DIPK1A: variants seen among roughly 807,000 people sequenced by gnomAD.
DIPK1A encodes family with sequence similarity 69 member A.
In DIPK1A, 27 loss-of-function variants were observed where a neutral mutation model predicts 40.8. That is an observed-to-expected ratio of 0.66 (90% CI 0.49 to 0.91). The LOEUF is 0.91. Ranked by LOEUF, DIPK1A falls within the 40% of genes least tolerant of loss-of-function variation. DIPK1A has a pLI of 0.00. For missense variants in DIPK1A, 412 were observed against 505.7 expected (o/e 0.81, Z 1.78); for synonymous variants, 166 against 171.3 (o/e 0.97, Z 0.24).
At position 92,842,611 on chromosome 1, in the gene DIPK1A, T is replaced by TA. The variant is rs571522089; in HGVS notation, c.*771dup. On this transcript the variant is annotated 3_prime_UTR_variant, in exon 5 of 5. Coordinates refer to ENST00000370310, the MANE Select transcript of DIPK1A (RefSeq NM_001006605.5). Reference sequence around the variant, plus strand: ...CTATAATTTATTTTAGTCTTGCACTTACAGTCCCACTTTCACATAGTTCAA... The same window carrying TA: ...CTATAATTTATTTTAGTCTTGCACTTAACAGTCCCACTTTCACATAGTTCAA... 0.62 allele frequency: 612,521 copies of TA among 984,708 alleles called. 192,679 individuals carry two copies. The highest frequency in any genetic ancestry group is 0.94 in the East Asian group (8,307 of 8,814). The allele number at this position is 984,708 out of a possible 1,614,324, so 61.0% of individuals were successfully genotyped here.
chr1:92,904,857 C>T (rs2774957), intron 1 of DIPK1A, among the ~76,000 whole-genome samples: 1,704 of 152,110 alleles, frequency 0.011, 41 homozygotes, highest in South Asian at 0.036. Flanking sequence ...TTTACAAGTT[C>T]GATTGTTTTA....
chr1:92,896,961 T>C (rs1310663170), intron 1 of DIPK1A, among the ~76,000 whole-genome samples: 1 of 151,942 alleles, frequency 6.6e-6, no homozygotes, highest in East Asian at 1.9e-4. Context: ...TGAGATACCA[T>C]CTCACACCAG....
chr1:92,884,962 T>G (rs1648530173), intron 1 of DIPK1A, among the ~76,000 whole-genome samples: 1 of 152,222 alleles, frequency 6.6e-6, no homozygotes, highest in Non-Finnish European at 1.5e-5. Flanking sequence ...TAATTAACTT[T>G]AATTGCTAAT....
intron 1 of DIPK1A, among the ~76,000 whole-genome samples, chr1:92,929,754 C>G (rs1460789634): frequency 6.6e-6 from 1 of 152,092 alleles, no homozygotes; most frequent in Non-Finnish European, 1.5e-5. Context: ...ATGTCATCAC[C>G]AGCAGCTGAA....
intron 1 of DIPK1A, among the ~76,000 whole-genome samples, chr1:92,956,710 C>A (rs527645063): frequency 4.0e-4 from 61 of 152,332 alleles, no homozygotes; most frequent in African/African-American, 1.4e-3. Context: ...CCATCCACAG[C>A]AGTCATGTTT....
At chr1:92,850,206 G>A (rs1427438707) in intron 3 of DIPK1A, among the ~76,000 whole-genome samples, 2 of 151,694 alleles carry the variant, frequency 1.3e-5, no homozygotes, top group African/African-American at 4.8e-5. Context: ...CTGGGCGCAA[G>A]TGGTCCTCCC....
intron 1 of DIPK1A, among the ~76,000 whole-genome samples, chr1:92,909,656 C>A (rs957830406): frequency 6.6e-6 from 1 of 152,122 alleles, no homozygotes; most frequent in African/African-American, 2.4e-5. Context: ...TAAGCCCAAG[C>A]GAAGATGTTC....
intron 1 of DIPK1A, among the ~76,000 whole-genome samples, chr1:92,910,446 A>C (rs1324258068): frequency 1.3e-5 from 2 of 152,106 alleles, no homozygotes; most frequent in Non-Finnish European, 2.9e-5. Flanking sequence ...ATTTAGGGGG[A>C]AAGTGTATAG....
chr1:92,872,800 C>A (rs1200473023), intron 2 of DIPK1A, among the ~76,000 whole-genome samples: 1 of 152,178 alleles, frequency 6.6e-6, no homozygotes, highest in Non-Finnish European at 1.5e-5. Flanking sequence ...TTCATTGGGG[C>A]TTCTCCTTCT....
intron 1 of DIPK1A, among the ~76,000 whole-genome samples, chr1:92,916,608 T>C (rs961609424): frequency 6.6e-6 from 1 of 152,086 alleles, no homozygotes. Context: ...GGCCAATCCA[T>C]CTTTTGTAAT....
Position 92,930,692 on chromosome 1 carries a change from A to T in DIPK1A, c.54+30684T>A, listed in dbSNP as rs1007296096. Reference sequence around the variant, plus strand: ...CTTTTTGTAGTTCTCTGTTCATGCCATGCTGTTTCTTCTTTCTATGCCTTT... The same window carrying T: ...CTTTTTGTAGTTCTCTGTTCATGCCTTGCTGTTTCTTCTTTCTATGCCTTT... On this transcript the variant is annotated intron_variant, in intron 1 of 4. Transcript: ENST00000370310. 2.0e-5 allele frequency: 3 copies of T among 152,338 alleles called. No homozygotes were observed. In the South Asian group the frequency reaches 6.2e-4, roughly 32 times the overall value. The allele number at this position is 152,338 out of a possible 1,614,324, so 9.4% of individuals were successfully genotyped here. A position where few individuals can be genotyped will look rare whatever the true frequency, so the allele number is the denominator to read the frequency against.
chr1:92,916,580 G>C (rs889894021), intron 1 of DIPK1A, among the ~76,000 whole-genome samples: 1 of 152,166 alleles, frequency 6.6e-6, no homozygotes, highest in Admixed American at 6.5e-5. Context: ...GGGATTACAG[G>C]CATGAGCCAC....
intron 1 of DIPK1A, among the ~76,000 whole-genome samples, chr1:92,897,740 T>G (rs1444327656): frequency 6.6e-6 from 1 of 151,320 alleles, no homozygotes; most frequent in East Asian, 1.9e-4. Flanking sequence ...TTGTAACATA[T>G]CAGAAGTTCC....
At chr1:92,935,670 C>T (rs1650918663) in intron 1 of DIPK1A, among the ~76,000 whole-genome samples, 1 of 151,924 alleles carries the variant, frequency 6.6e-6, no homozygotes, top group Non-Finnish European at 1.5e-5. Context: ...AAATACAGTT[C>T]CAGACAACTC....
intron 1 of DIPK1A, among the ~76,000 whole-genome samples, chr1:92,914,784 A>G (rs1188488487): frequency 1.3e-5 from 2 of 150,056 alleles, no homozygotes; most frequent in East Asian, 3.9e-4. Flanking sequence ...GAAAAAAAAA[A>G]AAAGGAAGTA....
chr1:92,892,444 A>T (rs1389538242), intron 1 of DIPK1A, among the ~76,000 whole-genome samples: 2 of 152,124 alleles, frequency 1.3e-5, no homozygotes, highest in Non-Finnish European at 2.9e-5. Flanking sequence ...GAGGGTCCTA[A>T]CTGTTAGAAG....
At chr1:92,868,965 T>A (rs146797434) in intron 2 of DIPK1A, among the ~76,000 whole-genome samples, 1 of 136,674 alleles carries the variant, frequency 7.3e-6, no homozygotes. Flanking sequence ...GACTCAATCT[T>A]AAAAAAAAAA....
chr1:92,877,699 A>C (rs930870564), intron 1 of DIPK1A, among the ~76,000 whole-genome samples: 1 of 152,204 alleles, frequency 6.6e-6, no homozygotes, highest in Non-Finnish European at 1.5e-5. Context: ...AATGCAAGAT[A>C]CTTTTGTATT....
chr1:92,846,815 A>ATG (rs1383151561), intron 4 of DIPK1A, among the ~76,000 whole-genome samples: 2 of 4,586 alleles, frequency 4.4e-4, no homozygotes, highest in Non-Finnish European at 6.3e-4. Context: ...ATATATATAT[A>ATG]TATATATATA....
Sources: allele counts gnomAD v4.1 joint callset (sites outside exome capture counted in the v4.1 genomes callset), GRCh38; gene constraint gnomAD v4.1.1; transcripts MANE v1.5; gene names NCBI Gene and HGNC (gene_info 2026-07-23, HGNC 2026-07-21).